Variants in FTO observed in about 807,000 individuals in gnomAD.
FTO encodes the protein alpha-ketoglutarate-dependent dioxygenase FTO.
Under a neutral mutation model 63.9 loss-of-function variants are expected in FTO, and 47 were observed. The observed-to-expected ratio is 0.74, with a 90% CI of 0.58 to 0.94. The LOEUF (loss-of-function observed/expected upper bound fraction) is 0.94, where lower values mean the gene tolerates loss of function less well. Ranked by LOEUF, FTO falls within the 40% of genes least tolerant of loss-of-function variation. FTO has a pLI of 0.00. For missense variants in FTO, 562 were observed against 618.1 expected, an observed-to-expected ratio of 0.91 and a Z score of 0.96; for synonymous variants, 207 against 224.4, an observed-to-expected ratio of 0.92 and a Z score of 0.69.
rs549616173 is a variant in FTO, at chr16:53,822,237, C to G, written c.124-3627C>G. Among the ~76,000 whole-genome samples the G allele has an allele frequency of 2.0e-5, 3 of 152,312 alleles. No homozygotes were observed. In the South Asian group the frequency reaches 6.2e-4, roughly 32 times the overall value. ...TCAGAGCATTCTCTAACTACCACCCCTCCAAAAGAAACCCTAGAACGTACT... is the reference window on the plus strand; with the variant it reads ...TCAGAGCATTCTCTAACTACCACCCGTCCAAAAGAAACCCTAGAACGTACT... On this transcript the variant is annotated intron_variant, in intron 2 of 8. Transcript: ENST00000471389.
intron 2 of FTO, among the ~76,000 whole-genome samples, chr16:53,820,378 T>A (rs2078825627): frequency 1.3e-5 from 2 of 152,062 alleles, no homozygotes; most frequent in Non-Finnish European, 2.9e-5. Flanking sequence ...ATAGTTTAAA[T>A]AAATATAGTT....
chr16:53,968,923 C>G lies in FTO; in HGVS notation c.1364+34814C>G, dbSNP rs188638044. Among the ~76,000 whole-genome samples, 3 of 152,324 alleles carry G rather than the reference C, an allele frequency of 2.0e-5. No individual in the cohort carries two copies. The East Asian group carries it at 5.8e-4, about 29-fold the overall frequency. ...ACAGCACATTCAAACTCCTTTTCAT[C>G]TAGTACTGTTTGGCTCAGAGGAAAG... On this transcript the variant is annotated intron_variant, in intron 8 of 8. Coordinates refer to ENST00000471389, the MANE Select transcript of FTO (RefSeq NM_001080432.3).
At chr16:53,909,078 G>A (rs967672155) in intron 7 of FTO, among the ~76,000 whole-genome samples, 2 of 152,014 alleles carry the variant, frequency 1.3e-5, no homozygotes, top group African/African-American at 4.8e-5. Context: ...AGCAGGCCTG[G>A]GATGATGCCC....
At chr16:53,920,795 G>A (rs16952647) in intron 7 of FTO, among the ~76,000 whole-genome samples, 3,260 of 152,192 alleles carry the variant, frequency 0.021, 41 homozygotes, top group Middle Eastern at 0.037. Context: ...ATGGCAGGTC[G>A]TAAGCACTAA....
At chr16:54,074,879 C>G (rs2085948289) in intron 8 of FTO, among the ~76,000 whole-genome samples, 1 of 147,280 alleles carries the variant, frequency 6.8e-6, no homozygotes, top group East Asian at 2.0e-4. Context: ...GTAGCTTTAA[C>G]CAGAACTGGA....
At chr16:53,956,239 T>C (rs1042209672) in intron 8 of FTO, among the ~76,000 whole-genome samples, 1 of 152,148 alleles carries the variant, frequency 6.6e-6, no homozygotes, top group African/African-American at 2.4e-5. Context: ...GCTTTGAGCA[T>C]CCCTGTGATA....
At chr16:53,814,141 A>G (rs2078608327) in intron 2 of FTO, among the ~76,000 whole-genome samples, 1 of 152,234 alleles carries the variant, frequency 6.6e-6, no homozygotes, top group Non-Finnish European at 1.5e-5. Context: ...ACACCTTCAG[A>G]GAAGTTTTGC....
At chr16:53,711,589 C>A (rs2075779245) in intron 1 of FTO, 1 of 396,366 alleles carries the variant, frequency 2.5e-6, no homozygotes, top group Non-Finnish European at 4.4e-6. Context: ...TTATGAGAGG[C>A]CTGGGATTCC....
At chr16:53,986,563 T>C (rs549529185) in intron 8 of FTO, among the ~76,000 whole-genome samples, 1 of 152,352 alleles carries the variant, frequency 6.6e-6, no homozygotes, top group African/African-American at 2.4e-5. Context: ...AAGGGTACTC[T>C]GATCTCAGAG....
intron 1 of FTO, chr16:53,711,328 C>T (rs1567918338): frequency 5.0e-6 from 2 of 397,868 alleles, no homozygotes; most frequent in Non-Finnish European, 8.9e-6. Flanking sequence ...AGAATATAGT[C>T]ACTCAAACCA....
chr16:54,103,986 T>C (rs1036186422), intron 8 of FTO, among the ~76,000 whole-genome samples: 1 of 152,146 alleles, frequency 6.6e-6, no homozygotes, highest in South Asian at 2.1e-4. Context: ...GAATTATACA[T>C]GGAAATCCCT....
At chr16:54,075,484 C>A (rs1176046450) in intron 8 of FTO, among the ~76,000 whole-genome samples, 1 of 152,068 alleles carries the variant, frequency 6.6e-6, no homozygotes, top group Non-Finnish European at 1.5e-5. Flanking sequence ...ATCAACTGAG[C>A]AATTAAAATC....
intron 8 of FTO, among the ~76,000 whole-genome samples, chr16:53,964,002 C>T (rs1401231384): frequency 6.6e-6 from 1 of 152,220 alleles, no homozygotes; most frequent in Non-Finnish European, 1.5e-5. Context: ...ATCCTCCTGC[C>T]TTGGCCTCCC....
chr16:53,954,930 T>C (rs2082891688), intron 8 of FTO, among the ~76,000 whole-genome samples: 3 of 152,028 alleles, frequency 2.0e-5, no homozygotes, highest in African/African-American at 7.2e-5. Flanking sequence ...AAGAGCTGCT[T>C]TGTGAAGACC....
chr16:54,103,170 G>A (rs2086675276), intron 8 of FTO, among the ~76,000 whole-genome samples: 2 of 152,134 alleles, frequency 1.3e-5, no homozygotes, highest in Admixed American at 6.5e-5. Flanking sequence ...GAAAGAAAGA[G>A]TTCTTGAAAA....
At chr16:54,091,912 G>A (rs79916967) in intron 8 of FTO, among the ~76,000 whole-genome samples, 3,627 of 152,304 alleles carry the variant, frequency 0.024, 147 homozygotes, top group African/African-American at 0.083. Flanking sequence ...CATGAGTAAA[G>A]CACTTACAGT....
At chr16:54,071,760 AC>A (rs1479962454) in intron 8 of FTO, 1 of 152,158 alleles carries the variant, frequency 6.6e-6, no homozygotes, top group Non-Finnish European at 1.5e-5. Context: ...CTAGTGCAGG[AC>A]CGTCTGGGGA....
At chr16:53,855,104 G>C (rs370417612) in intron 4 of FTO, among the ~76,000 whole-genome samples, 1 of 151,574 alleles carries the variant, frequency 6.6e-6, no homozygotes, top group Non-Finnish European at 1.5e-5. Flanking sequence ...CATTGTTAGT[G>C]CATTGCAGTG....
intron 8 of FTO, among the ~76,000 whole-genome samples, chr16:54,041,915 C>A (rs916117113): frequency 6.6e-6 from 1 of 152,122 alleles, no homozygotes; most frequent in Non-Finnish European, 1.5e-5. Context: ...TAGAAGAGCA[C>A]GGGAGAAGAT....
Sources: gnomAD v4.1 joint callset for allele counts (sites outside exome capture counted in the v4.1 genomes callset) on GRCh38, gnomAD v4.1.1 for gene constraint, MANE v1.5 for transcripts, NCBI Gene and HGNC (gene_info 2026-07-23, HGNC 2026-07-21) for gene names.